The following PRR16 variants were observed in gnomAD, a reference collection of about 807,000 sequenced individuals.
PRR16 encodes protein Largen.
Under a neutral mutation model 18.2 loss-of-function variants are expected in PRR16, and 6 were observed. The ratio of observed to expected loss-of-function variants is 0.33; its 90% CI spans 0.18 to 0.65. PRR16 has a LOEUF of 0.65. Among genes scored for constraint, PRR16 ranks in the 30% least tolerant of loss-of-function variants. PRR16 has a pLI of 0.74. For synonymous variants in PRR16, 151 were observed against 147.8 expected (o/e 1.02, Z -0.16); for missense variants, 412 against 376.6 (o/e 1.09, Z -0.78).
At chr5:120,550,607 T>C (rs1354394983) in intron 1 of PRR16, among the ~76,000 whole-genome samples, 2 of 152,054 alleles carry the variant, frequency 1.3e-5, no homozygotes, top group Non-Finnish European at 2.9e-5. Flanking sequence ...GGCCTGGATT[T>C]GAATCCTGGT....
chr5:120,690,622 C>T (rs1757197708), downstream of PRR16, among the ~76,000 whole-genome samples: 1 of 152,140 alleles, frequency 6.6e-6, no homozygotes, highest in East Asian at 1.9e-4. Context: ...TTCACAAAAT[C>T]ACATCACCTT....
At chr5:120,601,132 T>A (rs1046075722) in intron 1 of PRR16, among the ~76,000 whole-genome samples, 1 of 152,054 alleles carries the variant, frequency 6.6e-6, no homozygotes, top group Non-Finnish European at 1.5e-5. Context: ...TGTTTTATGT[T>A]CTTTGAGAAA....
intron 1 of PRR16, among the ~76,000 whole-genome samples, chr5:120,663,123 C>T (rs1162286866): frequency 2.6e-5 from 4 of 152,026 alleles, no homozygotes; most frequent in Non-Finnish European, 5.9e-5. Flanking sequence ...TGTGAAAATG[C>T]GAGGGCTTTT....
At position 120,600,963 on chromosome 5, in the gene PRR16, C is replaced by T. The variant is rs571622653; in HGVS notation, c.160-84991C>T. Among the ~76,000 whole-genome samples, 58 of 152,000 alleles carry T rather than the reference C, an allele frequency of 3.8e-4. No homozygotes were observed. In the South Asian group the frequency reaches 5.8e-3, roughly 15 times the overall value. On this transcript the variant is annotated intron_variant, in intron 1 of 1. Transcript: ENST00000407149. ...TTATATGTACCACATTTTCTTTATC[C>T]GGCCCACCATTAATGAGCATGTAGG...
At chr5:120,640,076 T>G (rs1378538496) in intron 1 of PRR16, among the ~76,000 whole-genome samples, 1 of 152,014 alleles carries the variant, frequency 6.6e-6, no homozygotes, top group Non-Finnish European at 1.5e-5. Context: ...CATTTATAAG[T>G]GGGAGCTAAG....
chr5:120,470,137 G>T (rs1298502858), intron 1 of PRR16, among the ~76,000 whole-genome samples: 1 of 152,140 alleles, frequency 6.6e-6, no homozygotes, highest in Non-Finnish European at 1.5e-5. Flanking sequence ...CTTCTGTAGA[G>T]ATAGTTCTTG....
the PRR16 span, among the ~76,000 whole-genome samples, chr5:120,695,985 G>A: frequency 6.6e-6 from 1 of 152,042 alleles, no homozygotes; most frequent in Non-Finnish European, 1.5e-5. Flanking sequence ...GCTCATGCCT[G>A]TAACCCCAGC....
intron 1 of PRR16, among the ~76,000 whole-genome samples, chr5:120,500,762 A>G (rs188312409): frequency 6.6e-6 from 1 of 152,288 alleles, no homozygotes; most frequent in Non-Finnish European, 1.5e-5. Flanking sequence ...AATTTTACTA[A>G]AGGACATAAC....
At chr5:120,487,861 T>C (rs913284691) in intron 1 of PRR16, among the ~76,000 whole-genome samples, 57 of 152,128 alleles carry the variant, frequency 3.7e-4, no homozygotes, top group Non-Finnish European at 7.4e-5. Context: ...GCATGAAGCG[T>C]TGTTGAATTT....
the PRR16 span, among the ~76,000 whole-genome samples, chr5:120,712,036 CTG>C: frequency 6.6e-6 from 1 of 152,122 alleles, no homozygotes; most frequent in East Asian, 1.9e-4. Context: ...AAGTTTCTGA[CTG>C]TATGTTTTTA....
chr5:120,488,156 G>C (rs1749884078), intron 1 of PRR16, among the ~76,000 whole-genome samples: 1 of 152,188 alleles, frequency 6.6e-6, no homozygotes, highest in South Asian at 2.1e-4. Context: ...GATGATGCTG[G>C]CCTCATAAAA....
At chr5:120,669,100 A>C (rs1397982729) in intron 1 of PRR16, among the ~76,000 whole-genome samples, 1 of 152,178 alleles carries the variant, frequency 6.6e-6, no homozygotes, top group Non-Finnish European at 1.5e-5. Context: ...GCGTGTAATG[A>C]CACTGAGTCT....
chr5:120,593,917 G>C (rs1218746161), intron 1 of PRR16, among the ~76,000 whole-genome samples: 1 of 151,942 alleles, frequency 6.6e-6, no homozygotes, highest in East Asian at 1.9e-4. Flanking sequence ...TATAATCTCA[G>C]TAGATGTAGA....
chr5:120,492,958 G>A (rs962664605), intron 1 of PRR16, among the ~76,000 whole-genome samples: 2 of 152,084 alleles, frequency 1.3e-5, no homozygotes, highest in Admixed American at 6.5e-5. Context: ...TCCACTTGTT[G>A]GCCGATGGAC....
At chr5:120,649,894 CATT>C (rs1248767280) in intron 1 of PRR16, among the ~76,000 whole-genome samples, 7 of 151,880 alleles carry the variant, frequency 4.6e-5, no homozygotes, top group Non-Finnish European at 5.9e-5. Flanking sequence ...ATTCTCTCAT[CATT>C]ATTCTGTATT....
chr5:120,549,583 T>C (rs1433198403), intron 1 of PRR16, among the ~76,000 whole-genome samples: 1 of 152,024 alleles, frequency 6.6e-6, no homozygotes, highest in Non-Finnish European at 1.5e-5. Context: ...TTTCATTGTC[T>C]GCAGGACTCA....
intron 1 of PRR16, chr5:120,618,643 T>G (rs1331728544): frequency 1.4e-6 from 1 of 735,440 alleles, no homozygotes; most frequent in Non-Finnish European, 1.7e-6. Flanking sequence ...AATTGTTGAT[T>G]ATCTCAGGAT....
chr5:120,536,496 A>G (rs568187970), intron 1 of PRR16, among the ~76,000 whole-genome samples: 2 of 152,348 alleles, frequency 1.3e-5, no homozygotes, highest in South Asian at 4.1e-4. Flanking sequence ...TGAAATGTCC[A>G]AAAATGTCTC....
At chr5:120,501,656 T>G (rs1472846384) in intron 1 of PRR16, among the ~76,000 whole-genome samples, 1 of 151,946 alleles carries the variant, frequency 6.6e-6, no homozygotes, top group Non-Finnish European at 1.5e-5. Context: ...AATGAACACA[T>G]AATGTAGTCC....
Sources: gnomAD v4.1 joint callset for allele counts (sites outside exome capture counted in the v4.1 genomes callset) on GRCh38, gnomAD v4.1.1 for gene constraint, MANE v1.5 for transcripts, NCBI Gene and HGNC (gene_info 2026-07-23, HGNC 2026-07-21) for gene names.